Variants in FILIP1L observed in about 807,000 individuals in gnomAD.
The protein encoded by FILIP1L is filamin A-interacting protein 1-like.
In FILIP1L, 55 loss-of-function variants were observed where a neutral mutation model predicts 96.6. That is an observed-to-expected ratio of 0.57 (90% CI 0.46 to 0.71). The LOEUF is 0.71. FILIP1L is among the 30% of genes least tolerant of loss of function. The pLI is 0.00. For missense variants in FILIP1L, 1,304 were observed against 1,321.2 expected (o/e 0.99, Z 0.20); for synonymous variants, 467 against 473.9 (o/e 0.99, Z 0.19).
chr3:100,026,967 G>T (rs1341082958), intron 1 of FILIP1L, among the ~76,000 whole-genome samples: 1 of 152,116 alleles, frequency 6.6e-6, no homozygotes, highest in East Asian at 1.9e-4. Context: ...TTGGCCTCCT[G>T]TCTGTTCCTC....
intron 1 of FILIP1L, among the ~76,000 whole-genome samples, chr3:99,932,039 G>A (rs977559871): frequency 1.3e-5 from 2 of 152,076 alleles, no homozygotes; most frequent in African/African-American, 4.8e-5. Context: ...GTCCAGAAAA[G>A]TATAGAAACC....
intron 4 of FILIP1L, among the ~76,000 whole-genome samples, chr3:99,867,339 C>T (rs1459966775): frequency 6.6e-6 from 1 of 152,114 alleles, no homozygotes; most frequent in African/African-American, 2.4e-5. Context: ...GAATACCATC[C>T]ATTTTTGCCC....
intron 1 of FILIP1L, among the ~76,000 whole-genome samples, chr3:100,104,860 T>C (rs1401032099): frequency 6.6e-6 from 1 of 152,204 alleles, no homozygotes; most frequent in African/African-American, 2.4e-5. Flanking sequence ...GCTAGCTCAA[T>C]ATCTAGCTAT....
At chr3:100,113,067 GTAGT>G (rs1444572243) in intron 1 of FILIP1L, among the ~76,000 whole-genome samples, 1 of 152,212 alleles carries the variant, frequency 6.6e-6, no homozygotes, top group African/African-American at 2.4e-5. Context: ...ATATGGTAGT[GTAGT>G]TAAACAGTGT....
intron 4 of FILIP1L, chr3:99,874,571 CAT>C (rs986382634): frequency 6.6e-6 from 1 of 152,110 alleles, no homozygotes; most frequent in African/African-American, 2.4e-5. Flanking sequence ...GGCCAAATAA[CAT>C]ATAATTTTTC....
chr3:100,100,291 A>T (rs1436061688), intron 1 of FILIP1L, among the ~76,000 whole-genome samples: 1 of 152,182 alleles, frequency 6.6e-6, no homozygotes, highest in Non-Finnish European at 1.5e-5. Context: ...GGAGTCTGTG[A>T]AAAGGGTAAA....
chr3:99,916,304 C>A (rs1406521352), intron 4 of FILIP1L, among the ~76,000 whole-genome samples: 3 of 152,134 alleles, frequency 2.0e-5, no homozygotes, highest in African/African-American at 7.2e-5. Flanking sequence ...AGAATCTACA[C>A]CATTGATTTT....
chr3:99,977,815 A>G (rs933702142), intron 1 of FILIP1L, among the ~76,000 whole-genome samples: 118 of 152,274 alleles, frequency 7.7e-4, no homozygotes, highest in African/African-American at 2.8e-3. Context: ...GCCTAAACCT[A>G]GGCAGTCATT....
chr3:100,018,152 C>G (rs535027824), intron 1 of FILIP1L, among the ~76,000 whole-genome samples: 1 of 152,218 alleles, frequency 6.6e-6, no homozygotes, highest in South Asian at 2.1e-4. Context: ...ATGGTGAAAT[C>G]TCGTCTCTAT....
At chr3:99,910,030 A>G (rs1706743468) in intron 4 of FILIP1L, among the ~76,000 whole-genome samples, 1 of 91,132 alleles carries the variant, frequency 1.1e-5, no homozygotes, top group African/African-American at 3.0e-5. Flanking sequence ...CTGATTACTT[A>G]ACAGTGAAGG....
chr3:100,057,850 A>G (rs1314591404), intron 1 of FILIP1L, among the ~76,000 whole-genome samples: 1 of 152,170 alleles, frequency 6.6e-6, no homozygotes, highest in East Asian at 1.9e-4. Context: ...GTTTAGAATT[A>G]ACAACTGTGA....
Position 100,012,971 on chromosome 3 carries a change from A to T in FILIP1L, c.-10-81941T>A, listed in dbSNP as rs115426209. Among the ~76,000 whole-genome samples the T allele has an allele frequency of 7.4e-3, 1,130 of 151,722 alleles. 9 individuals are homozygous for T. The highest frequency in any genetic ancestry group is 0.012 in the Non-Finnish European group (841 of 67,900). ...ATTTTATGTATGTATGTATTTATTT[A>T]TTTATTTGGAGAGACAGGGTTTTGT... On this transcript the variant is annotated intron_variant, in intron 1 of 5. Coordinates refer to ENST00000477258, the MANE Select transcript of FILIP1L (RefSeq NM_001387850.1).
intron 1 of FILIP1L, among the ~76,000 whole-genome samples, chr3:100,003,983 T>C (rs1709916154): frequency 6.6e-6 from 1 of 151,956 alleles, no homozygotes; most frequent in Non-Finnish European, 1.5e-5. Context: ...AAATGGACGG[T>C]GTATATTGAT....
At position 100,009,554 on chromosome 3, in the gene FILIP1L, C is replaced by A. The variant is rs768250044; in HGVS notation, c.-10-78524G>T. Among the ~76,000 whole-genome samples the A allele has an allele frequency of 6.4e-4, 97 of 152,248 alleles. 1 individual carries two copies. Among genetic ancestry groups the A allele is most frequent in the Middle Eastern group, 3.4e-3 (1 of 292 alleles). ...ACACTGAGCCTTTTCACTTGATAGACCAAGCTCTTAATTTCCCCAGGTTGT... is the reference window on the plus strand; with the variant it reads ...ACACTGAGCCTTTTCACTTGATAGAACAAGCTCTTAATTTCCCCAGGTTGT... On this transcript the variant is annotated intron_variant, in intron 1 of 5. Coordinates refer to ENST00000477258, the MANE Select transcript of FILIP1L (RefSeq NM_001387850.1).
chr3:99,930,832 T>C lies in FILIP1L; in HGVS notation c.189A>G (p.Gln63=), dbSNP rs374817609. The part of the protein sequence containing the change: ...AEKPHSGNGH[Q]AEDLSRDDLL... ...GGTCATCTCTTGAGAGGTCTTCTGC[T>C]TGGTGGCCATTACCACTGTGTGGCT... is the stretch of plus-strand genomic sequence containing the variant. Residue 63 remains glutamine, a synonymous_variant, in exon 2 of 6, where the codon CAA becomes CAG. Coordinates refer to ENST00000477258, the MANE Select transcript of FILIP1L (RefSeq NM_001387850.1). 1.2e-6 allele frequency: 2 copies of C among 1,612,800 alleles called. No individual in the cohort carries two copies. Among genetic ancestry groups the C allele is most frequent in the African/African-American group, 2.7e-5 (2 of 74,606 alleles).
intron 1 of FILIP1L, among the ~76,000 whole-genome samples, chr3:100,015,766 G>C (rs1182888750): frequency 1.3e-5 from 2 of 152,108 alleles, no homozygotes; most frequent in East Asian, 3.8e-4. Context: ...CACACAGCCT[G>C]GTACACAGAA....
chr3:100,089,717 A>T lies in FILIP1L; in HGVS notation c.-11+24336T>A, dbSNP rs374551270. ...TACAAATTTCATAGGCATTTGTATGAAGTAAGAATTCATTGCTCGTTAATA... is the reference window on the plus strand; with the variant it reads ...TACAAATTTCATAGGCATTTGTATGTAGTAAGAATTCATTGCTCGTTAATA... On this transcript the variant is annotated intron_variant, in intron 1 of 5. Coordinates refer to ENST00000477258, the MANE Select transcript of FILIP1L (RefSeq NM_001387850.1). Among the ~76,000 whole-genome samples, 20 of 152,384 alleles carry T rather than the reference A, an allele frequency of 1.3e-4. No homozygotes were observed. The East Asian group carries it at 1.7e-3, about 13-fold the overall frequency.
At position 99,850,074 on chromosome 3, in the gene FILIP1L, T is replaced by C. The variant is rs377141445; in HGVS notation, c.1602A>G (p.Thr534=). ...QLQVEQNKVT[T]VTEKLIEETK... is the part of the protein sequence containing the mutation. Reference sequence around the variant, plus strand: ...TTTCCTCAATTAACTTCTCAGTAACTGTTGTTACTTTATTTTGCTCCACTT... The same window carrying C: ...TTTCCTCAATTAACTTCTCAGTAACCGTTGTTACTTTATTTTGCTCCACTT... Residue 534 remains threonine (T), a synonymous_variant, in exon 5 of 6, where the codon ACA becomes ACG. Coordinates refer to ENST00000477258, the MANE Select transcript of FILIP1L (RefSeq NM_001387850.1). 9.9e-6 allele frequency: 16 copies of C among 1,612,626 alleles called. No individual in the cohort carries two copies. In the African/African-American group the frequency reaches 1.9e-4, roughly 19 times the overall value.
At chr3:99,998,626 G>A (rs573468476) in intron 1 of FILIP1L, among the ~76,000 whole-genome samples, 3 of 152,214 alleles carry the variant, frequency 2.0e-5, no homozygotes, top group Non-Finnish European at 2.9e-5. Context: ...GCAGTGGTGC[G>A]ATCTCGGCTC....
Sources: allele counts gnomAD v4.1 joint callset (sites outside exome capture counted in the v4.1 genomes callset), GRCh38; gene constraint gnomAD v4.1.1; transcripts MANE v1.5; gene names NCBI Gene and HGNC (gene_info 2026-07-23, HGNC 2026-07-21).